DNAJC5B: variants seen among roughly 807,000 people sequenced by gnomAD.
The protein encoded by DNAJC5B is DnaJ heat shock protein family (Hsp40) member C5 beta, also known as dnaJ homolog subfamily C member 5B.
In DNAJC5B, 23 loss-of-function variants were observed where a neutral mutation model predicts 24.7. That is an observed-to-expected ratio of 0.93 (90% CI 0.67 to 1.32). The LOEUF is 1.32. Ranked by LOEUF, DNAJC5B falls within the 40% of genes most tolerant of loss-of-function variation. DNAJC5B has a pLI of 0.00. For synonymous variants in DNAJC5B, 101 were observed against 90.1 expected (o/e 1.12, Z -0.68); for missense variants, 238 against 240.8 (o/e 0.99, Z 0.08).
intron 5 of DNAJC5B, among the ~76,000 whole-genome samples, chr8:66,096,098 C>A (rs1420967964): frequency 2.1e-4 from 32 of 152,172 alleles, no homozygotes; most frequent in Admixed American, 6.5e-5. Context: ...GAAATTTATT[C>A]TCTCACAGTT....
intron 2 of DNAJC5B, 93 bp from the exon 3 acceptor site, chr8:66,051,438 G>A (rs1274006180): frequency 5.3e-6 from 4 of 752,510 alleles, no homozygotes; most frequent in African/African-American, 1.8e-5. Flanking sequence ...TCTTCAAATT[G>A]TCATTTTACA....
chr8:66,088,256 G>A (rs1384985285), intron 5 of DNAJC5B, among the ~76,000 whole-genome samples: 2 of 152,198 alleles, frequency 1.3e-5, no homozygotes, highest in Non-Finnish European at 1.5e-5. Flanking sequence ...ATCTGGAGCT[G>A]GAGTGGCTGG....
intron 5 of DNAJC5B, among the ~76,000 whole-genome samples, chr8:66,088,107 T>G (rs1046800830): frequency 6.6e-6 from 1 of 152,216 alleles, no homozygotes; most frequent in Non-Finnish European, 1.5e-5. Context: ...ATACATCCTC[T>G]GAAATCTAGG....
chr8:66,016,423 C>A, the DNAJC5B span, among the ~76,000 whole-genome samples: 3 of 152,128 alleles, frequency 2.0e-5, no homozygotes, highest in African/African-American at 4.8e-5. Flanking sequence ...TGCTCCCACT[C>A]GCTCCGTTCT....
At chr8:66,031,631 G>A (rs1806362875) in intron 1 of DNAJC5B, among the ~76,000 whole-genome samples, 1 of 152,184 alleles carries the variant, frequency 6.6e-6, no homozygotes, top group Admixed American at 6.5e-5. Context: ...CAGCATGCCT[G>A]AGACCCAGGA....
intron 5 of DNAJC5B, among the ~76,000 whole-genome samples, chr8:66,088,914 C>G (rs762395203): frequency 2.6e-5 from 4 of 152,204 alleles, no homozygotes; most frequent in Non-Finnish European, 5.9e-5. Flanking sequence ...CTTCAGAGCC[C>G]TCCAAACTGT....
At chr8:66,095,302 G>T (rs1586121910) in intron 5 of DNAJC5B, among the ~76,000 whole-genome samples, 1 of 151,732 alleles carries the variant, frequency 6.6e-6, no homozygotes, top group East Asian at 1.9e-4. Flanking sequence ...TTTACAAAAA[G>T]AAAAAATGGT....
intron 2 of DNAJC5B, among the ~76,000 whole-genome samples, chr8:66,047,030 T>C (rs1202182818): frequency 2.6e-5 from 4 of 152,248 alleles, no homozygotes; most frequent in Non-Finnish European, 5.9e-5. Flanking sequence ...TTTATTCATT[T>C]ACCAGGAGAT....
chr8:66,070,466 GAAAAT>G (rs1348868726), intron 3 of DNAJC5B, among the ~76,000 whole-genome samples: 1 of 152,080 alleles, frequency 6.6e-6, no homozygotes, highest in Non-Finnish European at 1.5e-5. Flanking sequence ...TTGCTACAAA[GAAAAT>G]AAAATACCTA....
intron 3 of DNAJC5B, among the ~76,000 whole-genome samples, chr8:66,066,765 A>G (rs958422407): frequency 2.0e-5 from 3 of 152,192 alleles, no homozygotes; most frequent in South Asian, 4.1e-4. Flanking sequence ...ACTACAATGT[A>G]TACTACTCAG....
chr8:66,054,237 A>G (rs1806915980), intron 3 of DNAJC5B, among the ~76,000 whole-genome samples: 1 of 152,202 alleles, frequency 6.6e-6, no homozygotes, highest in Non-Finnish European at 1.5e-5. Context: ...TTAGTCTTGA[A>G]TTAGGTTTTA....
chr8:66,064,784 G>A (rs556722568), intron 3 of DNAJC5B, among the ~76,000 whole-genome samples: 1 of 152,174 alleles, frequency 6.6e-6, no homozygotes, highest in Non-Finnish European at 1.5e-5. Flanking sequence ...ACTGGTGTCA[G>A]AAGTTCAGGT....
upstream of DNAJC5B, among the ~76,000 whole-genome samples, chr8:66,017,082 G>T (rs1472160487): frequency 6.6e-6 from 1 of 152,014 alleles, no homozygotes; most frequent in African/African-American, 2.4e-5. Context: ...GAAAGGGCAG[G>T]CATTGGTCTT....
At chr8:66,031,433 TA>T (rs1176284129) in intron 1 of DNAJC5B, among the ~76,000 whole-genome samples, 68 of 152,304 alleles carry the variant, frequency 4.5e-4, no homozygotes, top group African/African-American at 1.5e-3. Flanking sequence ...ATAACAGAAT[TA>T]GCAATCATTA....
At chr8:66,060,057 T>C (rs1287889775) in intron 3 of DNAJC5B, among the ~76,000 whole-genome samples, 1 of 152,212 alleles carries the variant, frequency 6.6e-6, no homozygotes, top group East Asian at 1.9e-4. Flanking sequence ...TCCTCCTCTT[T>C]GTGATATGCT....
chr8:66,069,047 C>T (rs1250987162), intron 3 of DNAJC5B, among the ~76,000 whole-genome samples: 1 of 151,562 alleles, frequency 6.6e-6, no homozygotes, highest in Non-Finnish European at 1.5e-5. Context: ...GTGAATTAAT[C>T]CCCAGTGGAT....
rs184877214 is a variant in DNAJC5B, at chr8:66,098,452, C to T, written c.506-1485C>T. The stretch of plus-strand genomic sequence containing the variant: ...TCCTGACCTCATGATCCACCTGCTT[C>T]GGCCTCCAAAAGTGCTGGGATTACA... On this transcript the variant is annotated intron_variant, in intron 5 of 5. Coordinates refer to ENST00000276570, the MANE Select transcript of DNAJC5B (RefSeq NM_033105.6). 5.7e-4 allele frequency among the ~76,000 whole-genome samples: 87 copies of T among 152,242 alleles called. 1 individual carries two copies. Among genetic ancestry groups the T allele is most frequent in the African/African-American group, 2.0e-3 (82 of 41,556 alleles).
chr8:66,061,138 G>C (rs571378897), intron 3 of DNAJC5B, among the ~76,000 whole-genome samples: 2 of 152,244 alleles, frequency 1.3e-5, no homozygotes, highest in South Asian at 4.2e-4. Context: ...GGGTATTTCT[G>C]AGTGTGGTGG....
intron 1 of DNAJC5B, among the ~76,000 whole-genome samples, chr8:66,035,224 T>C (rs1806455164): frequency 6.6e-6 from 1 of 152,218 alleles, no homozygotes; most frequent in South Asian, 2.1e-4. Flanking sequence ...TATTAAATAT[T>C]TCCCAGCACC....
Sources: allele counts gnomAD v4.1 joint callset (sites outside exome capture counted in the v4.1 genomes callset), GRCh38; gene constraint gnomAD v4.1.1; transcripts MANE v1.5; gene names NCBI Gene and HGNC (gene_info 2026-07-23, HGNC 2026-07-21).